Variants in CSMD3 observed in about 807,000 individuals in gnomAD.
The protein encoded by CSMD3 is CUB and sushi domain-containing protein 3.
CSMD3 carries 177 observed loss-of-function variants against 435.2 expected under a neutral mutation model. The observed-to-expected ratio is 0.41, with a 90% CI of 0.36 to 0.46. CSMD3 has a LOEUF of 0.46. Among genes scored for constraint, CSMD3 ranks in the 20% least tolerant of loss-of-function variants. CSMD3 has a pLI of 0.34. For synonymous variants in CSMD3, 1,656 were observed against 1,520.5 expected (o/e 1.09, Z -2.07); for missense variants, 4,265 against 4,504.6 (o/e 0.95, Z 1.52).
intron 17 of CSMD3, among the ~76,000 whole-genome samples, chr8:112,662,219 A>G (rs1302332784): frequency 6.6e-6 from 1 of 152,214 alleles, no homozygotes; most frequent in African/African-American, 2.4e-5. Context: ...TTCCAAGTCA[A>G]TCCTAAGCCA....
intron 14 of CSMD3, among the ~76,000 whole-genome samples, chr8:112,686,915 T>A (rs2076025947): frequency 6.6e-6 from 1 of 152,154 alleles, no homozygotes; most frequent in African/African-American, 2.4e-5. Flanking sequence ...GTTAAAACTC[T>A]CCTCCATTAA....
At chr8:113,285,787 C>T (rs1010087479) in intron 2 of CSMD3, among the ~76,000 whole-genome samples, 5 of 152,172 alleles carry the variant, frequency 3.3e-5, no homozygotes, top group African/African-American at 1.2e-4. Flanking sequence ...CACATCTTGA[C>T]AATAACTATG....
chr8:112,450,656 A>G (rs1213746495), intron 32 of CSMD3, among the ~76,000 whole-genome samples: 3 of 152,274 alleles, frequency 2.0e-5, no homozygotes, highest in East Asian at 1.9e-4. Flanking sequence ...TGAGGCTTCT[A>G]TGGAATGTCT....
chr8:112,777,127 C>A (rs2132226263), intron 13 of CSMD3, among the ~76,000 whole-genome samples: 1 of 151,738 alleles, frequency 6.6e-6, no homozygotes, highest in Non-Finnish European at 1.5e-5. Context: ...GAAAGACAAG[C>A]AAAAATAATA....
In CSMD3 at chr8:112,627,618, C is replaced by T. The variant is rs555914327; in HGVS notation, c.3715+9199G>A. 4.6e-5 allele frequency among the ~76,000 whole-genome samples: 7 copies of T among 152,256 alleles called. No homozygotes were observed. The South Asian group carries it at 1.5e-3, about 32-fold the overall frequency. On this transcript the variant is annotated intron_variant, in intron 22 of 70. Coordinates refer to ENST00000297405, the MANE Select transcript of CSMD3 (RefSeq NM_198123.2). ...AAGATTTATAGTCAGAGCATAAGGA[C>T]ATATATGGAGAATGAGGTATTTTTA...
chr8:113,417,469 A>G (rs1311654999), intron 1 of CSMD3, among the ~76,000 whole-genome samples: 1 of 151,898 alleles, frequency 6.6e-6, no homozygotes, highest in Non-Finnish European at 1.5e-5. Context: ...ATATAGTAAA[A>G]AATTATTATA....
rs188962579 is a variant in CSMD3 at position 113,407,931 on chromosome 8, G to A, written c.178+28746C>T. ...TATTTTAAGTAGCTTTTTGAAGTAC[G>A]CCTAGGACCGTAGTTTAAAGTTATA... On this transcript the variant is annotated intron_variant, in intron 1 of 70. Transcript: ENST00000297405. 1.5e-4 allele frequency among the ~76,000 whole-genome samples: 23 copies of A among 152,022 alleles called. No individual in the cohort carries two copies. In the East Asian group the frequency reaches 1.9e-3, roughly 13 times the overall value.
chr8:112,297,672 T>C (rs1820448656), intron 53 of CSMD3, among the ~76,000 whole-genome samples: 1 of 152,174 alleles, frequency 6.6e-6, no homozygotes, highest in Non-Finnish European at 1.5e-5. Flanking sequence ...ATAGTGAAAC[T>C]GTTCTATACT....
At chr8:112,601,602 T>C (rs958232727) in intron 22 of CSMD3, among the ~76,000 whole-genome samples, 1 of 152,182 alleles carries the variant, frequency 6.6e-6, no homozygotes, top group Admixed American at 6.5e-5. Context: ...AGTCAGAGAA[T>C]GCTTCATCAA....
chr8:112,403,678 A>T (rs2129959088), intron 35 of CSMD3, among the ~76,000 whole-genome samples: 1 of 152,188 alleles, frequency 6.6e-6, no homozygotes, highest in East Asian at 1.9e-4. Flanking sequence ...AGAGCCCCCG[A>T]GACCTAGTCA....
At chr8:112,360,606 T>G (rs1001894096) in intron 38 of CSMD3, among the ~76,000 whole-genome samples, 19 of 151,914 alleles carry the variant, frequency 1.3e-4, no homozygotes, top group African/African-American at 4.1e-4. Context: ...TGTATGTCAT[T>G]CCTTGTATTT....
intron 38 of CSMD3, among the ~76,000 whole-genome samples, chr8:112,365,773 A>G (rs898204880): frequency 6.6e-6 from 1 of 152,142 alleles, no homozygotes; most frequent in African/African-American, 2.4e-5. Flanking sequence ...AGAGAAGAAG[A>G]TGAAGCCTGC....
intron 6 of CSMD3, among the ~76,000 whole-genome samples, chr8:113,013,343 T>C (rs924366653): frequency 2.6e-5 from 4 of 152,110 alleles, no homozygotes; most frequent in African/African-American, 9.7e-5. Flanking sequence ...ATATTTAAAC[T>C]ATTCATTTTT....
intron 1 of CSMD3, among the ~76,000 whole-genome samples, chr8:113,435,207 G>A (rs2094698352): frequency 6.6e-6 from 1 of 152,130 alleles, no homozygotes; most frequent in Non-Finnish European, 1.5e-5. Context: ...AAGCTTTTCG[G>A]CTCAGAGCTG....
At chr8:112,233,438 TA>T (rs1380628876) in intron 68 of CSMD3, among the ~76,000 whole-genome samples, 2 of 152,184 alleles carry the variant, frequency 1.3e-5, no homozygotes, top group African/African-American at 4.8e-5. Flanking sequence ...GTTTCCTACA[TA>T]AAATAATACA....
At chr8:113,107,043 T>A (rs1362766582) in intron 4 of CSMD3, among the ~76,000 whole-genome samples, 2 of 152,294 alleles carry the variant, frequency 1.3e-5, no homozygotes, top group African/African-American at 4.8e-5. Flanking sequence ...CTATGCTCCC[T>A]TCCCCCTGGG....
intron 13 of CSMD3, among the ~76,000 whole-genome samples, chr8:112,758,829 T>C (rs2077766327): frequency 6.6e-6 from 1 of 152,176 alleles, no homozygotes; most frequent in Admixed American, 6.5e-5. Flanking sequence ...TACTAGTTTT[T>C]AATGGGGATG....
intron 63 of CSMD3, among the ~76,000 whole-genome samples, chr8:112,250,381 T>C (rs1370624249): frequency 1.3e-5 from 2 of 151,732 alleles, no homozygotes; most frequent in African/African-American, 4.8e-5. Context: ...TTATACCTAA[T>C]ATCTAATAAA....
chr8:113,165,124 G>T (rs965236576), intron 4 of CSMD3, among the ~76,000 whole-genome samples: 8 of 152,154 alleles, frequency 5.3e-5, no homozygotes, highest in African/African-American at 1.7e-4. Flanking sequence ...TTCACCACAG[G>T]GGATTCTGAA....
Sources: allele counts gnomAD v4.1 joint callset (sites outside exome capture counted in the v4.1 genomes callset), GRCh38; gene constraint gnomAD v4.1.1; transcripts MANE v1.5; gene names NCBI Gene and HGNC (gene_info 2026-07-23, HGNC 2026-07-21).